Variants in COX5A observed in about 807,000 individuals in gnomAD.
COX5A encodes cytochrome c oxidase subunit 5A, mitochondrial.
A neutral mutation model predicts 16.1 loss-of-function variants in COX5A; 6 were observed. The observed-to-expected ratio is 0.37, with a 90% CI of 0.20 to 0.73. The LOEUF (loss-of-function observed/expected upper bound fraction) is 0.73. COX5A is among the 30% of genes least tolerant of loss of function. The probability of loss-of-function intolerance (pLI) is 0.50; values close to 1 mark genes in which losing one functional copy is unlikely to be tolerated. For missense variants in COX5A, 159 were observed against 194.9 expected (o/e 0.82, Z 1.10); for synonymous variants, 73 against 73.8 (o/e 0.99, Z 0.06).
intron 1 of COX5A, among the ~76,000 whole-genome samples, chr15:74,935,140 G>GT (rs1483520860): frequency 6.6e-6 from 1 of 152,120 alleles, no homozygotes; most frequent in East Asian, 1.9e-4. Flanking sequence ...ACATTAACGA[G>GT]TTACTGAGGC....
chr15:74,928,728 A>G (rs1485178723), intron 2 of COX5A, among the ~76,000 whole-genome samples: 1 of 152,210 alleles, frequency 6.6e-6, no homozygotes, highest in East Asian at 1.9e-4. Context: ...CCTTTTGCTC[A>G]TCTAGCCTTA....
intron 3 of COX5A, among the ~76,000 whole-genome samples, chr15:74,925,235 G>A (rs2065338302): frequency 6.6e-6 from 1 of 151,958 alleles, no homozygotes; most frequent in Non-Finnish European, 1.5e-5. Context: ...AGGAGACCTC[G>A]GAGGTTGCAG....
At chr15:74,924,995 G>C (rs2065337033) in intron 3 of COX5A, among the ~76,000 whole-genome samples, 1 of 152,190 alleles carries the variant, frequency 6.6e-6, no homozygotes, top group South Asian at 2.1e-4. Flanking sequence ...GCTGTCACAA[G>C]GTTCCTTAGG....
intron 4 of COX5A, among the ~76,000 whole-genome samples, chr15:74,922,877 G>A (rs1037269404): frequency 4.0e-5 from 6 of 151,666 alleles, no homozygotes; most frequent in Non-Finnish European, 5.9e-5. Flanking sequence ...TGCTGGTCTC[G>A]AACTCCTGAC....
intron 1 of COX5A, among the ~76,000 whole-genome samples, chr15:74,934,635 T>C (rs2065381076): frequency 6.6e-6 from 1 of 152,138 alleles, no homozygotes; most frequent in Admixed American, 6.6e-5. Context: ...CCGGCCATGA[T>C]TTAAATTATA....
intron 2 of COX5A, among the ~76,000 whole-genome samples, chr15:74,928,529 C>T (rs979054003): frequency 3.9e-5 from 6 of 152,010 alleles, no homozygotes; most frequent in African/African-American, 9.7e-5. Context: ...TGACTACAGG[C>T]GCCCGCCACC....
rs370295057 is a variant in COX5A at position 74,927,782 on chromosome 15, AAAAC to A, written c.218-899_218-896del. Among the ~76,000 whole-genome samples, 38 of 152,220 alleles carry A rather than the reference AAAAC, an allele frequency of 2.5e-4. No individual in the cohort carries two copies. The East Asian group carries it at 3.9e-3, about 15-fold the overall frequency. On this transcript the variant is annotated intron_variant, in intron 2 of 4. Coordinates refer to ENST00000322347, the MANE Select transcript of COX5A (RefSeq NM_004255.4). ...AGAGAAACTCCATCTCAAACAAAAC[AAAAC>A]AAACAAACAAAAAAACCAAAATAAA... is the stretch of plus-strand genomic sequence containing the variant.
At chr15:74,928,171 G>A (rs966401993) in intron 2 of COX5A, among the ~76,000 whole-genome samples, 2 of 152,132 alleles carry the variant, frequency 1.3e-5, no homozygotes, top group South Asian at 2.1e-4. Flanking sequence ...AAGGATACCA[G>A]TGAATACGAT....
chr15:74,937,773 G>C, intron 1 of COX5A, 142 bp downstream of exon 1: 3 of 475,434 alleles, frequency 6.3e-6, no homozygotes, highest in Non-Finnish European at 6.7e-6. Context: ...GAGGCGGCGG[G>C]CAGGGCGGCC....
At chr15:74,933,467 G>C (rs2044157) in intron 1 of COX5A, among the ~76,000 whole-genome samples, 49,547 of 142,546 alleles carry the variant, frequency 0.35, 10,555 homozygotes, top group Non-Finnish European at 0.51. Flanking sequence ...ATCTATCTAT[G>C]TAAAAACATA....
chr15:74,932,530 C>T (rs1391071854), intron 1 of COX5A, among the ~76,000 whole-genome samples: 1 of 151,956 alleles, frequency 6.6e-6, no homozygotes, highest in East Asian at 1.9e-4. Context: ...GAAATTTAAA[C>T]ATTAGTAATA....
At chr15:74,934,242 C>G (rs1017627598) in intron 1 of COX5A, among the ~76,000 whole-genome samples, 4 of 152,086 alleles carry the variant, frequency 2.6e-5, no homozygotes, top group Non-Finnish European at 5.9e-5. Flanking sequence ...GAGCAACACT[C>G]TATATCAAAC....
chr15:74,931,346 C>T (rs1310307902), intron 1 of COX5A, among the ~76,000 whole-genome samples: 1 of 151,478 alleles, frequency 6.6e-6, no homozygotes, highest in Non-Finnish European at 1.5e-5. Flanking sequence ...ACTAAAAATA[C>T]AAAAATTAGC....
At chr15:74,926,921 C>T (rs751861358) in intron 2 of COX5A, 34 bp from the exon 3 acceptor site, 9 of 1,601,706 alleles carry the variant, frequency 5.6e-6, no homozygotes, top group Middle Eastern at 1.7e-4. Flanking sequence ...ATGTCAACCT[C>T]GAAGAGCCTC....
Position 74,920,250 on chromosome 15 carries a change from G to GCAAACA in COX5A, c.*196_*201dup, listed in dbSNP as rs1452687703. ...AGCACTTAATTTTCTGCTTATTAAT[G>GCAAACA]CAAACACATGAAACAAATACCTAAT... On this transcript the variant is annotated 3_prime_UTR_variant, in exon 5 of 5. Transcript: ENST00000322347. 2 of 599,184 alleles carry GCAAACA rather than the reference G, an allele frequency of 3.3e-6. No individual in the cohort carries two copies. The highest frequency in any genetic ancestry group is 5.8e-6 in the Non-Finnish European group (2 of 345,024). The allele number at this position is 599,184 out of a possible 1,614,324, so 37.1% of individuals were successfully genotyped here.
At chr15:74,929,261 T>C (rs756774888) in intron 1 of COX5A, 29 bp from the exon 2 acceptor site, 1 of 1,406,768 alleles carries the variant, frequency 7.1e-7, no homozygotes. Context: ...ATAACTTCAA[T>C]GTACACAAAT....
intron 1 of COX5A, among the ~76,000 whole-genome samples, chr15:74,934,567 G>T (rs990017677): frequency 2.6e-5 from 4 of 152,130 alleles, no homozygotes; most frequent in Admixed American, 2.6e-4. Flanking sequence ...TCCTGACATT[G>T]TGATCCGCCC....
chr15:74,937,320 G>A (rs1444334815), intron 1 of COX5A, among the ~76,000 whole-genome samples: 6 of 152,100 alleles, frequency 3.9e-5, no homozygotes, highest in African/African-American at 1.2e-4. Context: ...CAAAACTCTG[G>A]CTATCTTCCG....
chr15:74,930,318 T>C (rs1380130820), intron 1 of COX5A, among the ~76,000 whole-genome samples: 1 of 148,700 alleles, frequency 6.7e-6, no homozygotes, highest in African/African-American at 2.5e-5. Context: ...CTCGGGAGGA[T>C]GAAGCAGGGG....
Sources: gnomAD v4.1 joint callset for allele counts (sites outside exome capture counted in the v4.1 genomes callset) on GRCh38, gnomAD v4.1.1 for gene constraint, MANE v1.5 for transcripts, NCBI Gene and HGNC (gene_info 2026-07-23, HGNC 2026-07-21) for gene names.